Variants in ITPR1 observed in about 807,000 individuals in gnomAD.
ITPR1 encodes inositol 1,4,5-trisphosphate receptor type 1, also known as inositol 1,4,5-trisphosphate-gated calcium channel ITPR1.
A neutral mutation model predicts 318.4 loss-of-function variants in ITPR1; 96 were observed. The ratio of observed to expected loss-of-function variants is 0.30; its 90% CI spans 0.26 to 0.36. The LOEUF (loss-of-function observed/expected upper bound fraction) is 0.36, where lower values mean the gene tolerates loss of function less well. Ranked by LOEUF, ITPR1 falls within the 10% of genes least tolerant of loss-of-function variation. The pLI, the probability that ITPR1 is intolerant of heterozygous loss-of-function variation, is 1.00. For synonymous variants in ITPR1, 1,312 were observed against 1,289.9 expected, an observed-to-expected ratio of 1.02 and a Z score of -0.37; for missense variants, 2,440 against 3,460.2, an observed-to-expected ratio of 0.71 and a Z score of 7.40.
chr3:4,732,606 C>T (rs973394790), intron 42 of ITPR1, among the ~76,000 whole-genome samples: 9 of 152,126 alleles, frequency 5.9e-5, no homozygotes, highest in African/African-American at 2.2e-4. Context: ...GGCCCATCGA[C>T]TATTTTTGTA....
chr3:4,756,936 G>A (rs2045042868), intron 44 of ITPR1, among the ~76,000 whole-genome samples: 1 of 152,244 alleles, frequency 6.6e-6, no homozygotes, highest in Admixed American at 6.5e-5. Context: ...GTTCTTGGTA[G>A]TAATCAAAGT....
intron 5 of ITPR1, among the ~76,000 whole-genome samples, chr3:4,629,489 C>G (rs930796161): frequency 6.6e-6 from 1 of 152,196 alleles, no homozygotes; most frequent in Admixed American, 6.5e-5. Context: ...TTAATTATCA[C>G]CTGTCGCTTA....
At chr3:4,567,643 C>T (rs540409000) in intron 4 of ITPR1, among the ~76,000 whole-genome samples, 6 of 151,922 alleles carry the variant, frequency 3.9e-5, no homozygotes, top group South Asian at 2.1e-4. Flanking sequence ...TCTTACTCTG[C>T]CACCCAGGCT....
In ITPR1 at chr3:4,727,072, A is replaced by G. The variant is rs373579234; in HGVS notation, c.5173-54A>G. 11,263 of 1,341,456 alleles carry G rather than the reference A, an allele frequency of 8.4e-3. 71 individuals carry two copies. The highest frequency in any genetic ancestry group is 9.4e-3 in the Non-Finnish European group (8,884 of 945,080). 83.1% of individuals were successfully genotyped at this position (1,341,456 alleles called of 1,614,324 possible). A position where few individuals can be genotyped will look rare whatever the true frequency, so the allele number is the denominator to read the frequency against. ...ATTTTATATGTGACTGATGCTGCAG[A>G]TGGTAGTGTCTCCTTAGTGTTGTAT... On this transcript the variant is annotated intron_variant, in intron 41 of 61. Coordinates refer to ENST00000649015, the MANE Select transcript of ITPR1 (RefSeq NM_001378452.1).
At chr3:4,695,861 G>GCATA (rs1232007923) in intron 33 of ITPR1, among the ~76,000 whole-genome samples, 1 of 152,128 alleles carries the variant, frequency 6.6e-6, no homozygotes, top group Admixed American at 6.5e-5. Context: ...TTAGGATTGT[G>GCATA]CATACATCCT....
At chr3:4,736,873 CA>C (rs903356489) in intron 44 of ITPR1, among the ~76,000 whole-genome samples, 1 of 152,160 alleles carries the variant, frequency 6.6e-6, no homozygotes, top group African/African-American at 2.4e-5. Context: ...GCTGCTATAC[CA>C]GGGGCGATGA....
chr3:4,535,466 G>A (rs1237297004), intron 4 of ITPR1, among the ~76,000 whole-genome samples: 22 of 103,494 alleles, frequency 2.1e-4, no homozygotes, highest in East Asian at 1.5e-3. Flanking sequence ...TTTTTGAGAC[G>A]GAGTCTTGCT....
At chr3:4,804,271 G>A (rs1029995116) in intron 54 of ITPR1, among the ~76,000 whole-genome samples, 2 of 152,222 alleles carry the variant, frequency 1.3e-5, no homozygotes, top group African/African-American at 4.8e-5. Context: ...AGTTCTGAGA[G>A]CTGGAGGAGG....
At chr3:4,674,988 TA>T in intron 22 of ITPR1, 79 bp from the exon 23 acceptor site, 1 of 755,116 alleles carries the variant, frequency 1.3e-6, no homozygotes, top group Non-Finnish European at 2.2e-6. Flanking sequence ...CTGTCATTTC[TA>T]AACTGGTCAA....
intron 52 of ITPR1, among the ~76,000 whole-genome samples, chr3:4,794,593 G>T (rs1386311528): frequency 6.6e-6 from 1 of 152,136 alleles, no homozygotes; most frequent in African/African-American, 2.4e-5. Context: ...CCTAGTCTGG[G>T]GCCCAGCGGG....
At chr3:4,788,233 C>CA in intron 52 of ITPR1, 94 bp downstream of exon 52, 1 of 970,698 alleles carries the variant, frequency 1.0e-6, no homozygotes, top group Non-Finnish European at 1.6e-6. Context: ...CAAGCAGGAG[C>CA]AAAGCTAGTA....
At chr3:4,645,857 C>G in intron 10 of ITPR1, 129 bp downstream of exon 10, 1 of 754,924 alleles carries the variant, frequency 1.3e-6, no homozygotes, top group Non-Finnish European at 2.2e-6. Flanking sequence ...CCCACATACA[C>G]ACACCTACAC....
intron 4 of ITPR1, among the ~76,000 whole-genome samples, chr3:4,523,708 A>G (rs1242194172): frequency 1.3e-5 from 2 of 152,214 alleles, no homozygotes; most frequent in East Asian, 1.9e-4. Context: ...TTCACTTAGC[A>G]TAATGTCCTC....
At position 4,696,674 on chromosome 3, in the gene ITPR1, T is replaced by TTG. The variant is rs1491305525; in HGVS notation, c.4282-472_4282-471insGT. Reference sequence around the variant, plus strand: ...TTGAAGTTGAGCCCCTTGCCGTGTGTTTTTTTTTTTTTTTTTTTGACATTT... The same window carrying TTG: ...TTGAAGTTGAGCCCCTTGCCGTGTGTTGTTTTTTTTTTTTTTTTTTGACATTT... On this transcript the variant is annotated intron_variant, in intron 33 of 61. Transcript: ENST00000649015. Among the ~76,000 whole-genome samples the TTG allele has an allele frequency of 5.1e-4, 7 of 13,850 alleles. No individual in the cohort carries two copies. In the South Asian group the frequency reaches 9.5e-3, roughly 19 times the overall value. The allele number at this position is 13,850 out of a possible 152,430, so 9.1% of individuals were successfully genotyped here.
intron 46 of ITPR1, among the ~76,000 whole-genome samples, chr3:4,771,686 T>C (rs1473467610): frequency 2.0e-5 from 3 of 152,198 alleles, no homozygotes; most frequent in Admixed American, 2.0e-4. Flanking sequence ...TGCATTGCTC[T>C]GTTGGAAACA....
At chr3:4,656,883 G>A (rs923055613) in intron 12 of ITPR1, among the ~76,000 whole-genome samples, 12 of 152,330 alleles carry the variant, frequency 7.9e-5, no homozygotes, top group South Asian at 2.1e-4. Context: ...AAAATCACGC[G>A]ATGTAGAGTT....
intron 4 of ITPR1, among the ~76,000 whole-genome samples, chr3:4,591,667 T>A (rs1216131187): frequency 6.6e-6 from 1 of 152,236 alleles, no homozygotes; most frequent in Non-Finnish European, 1.5e-5. Context: ...TTGGTTTTGC[T>A]TTTTTGATAG....
At chr3:4,528,911 A>G (rs780006930) in intron 4 of ITPR1, among the ~76,000 whole-genome samples, 4 of 152,246 alleles carry the variant, frequency 2.6e-5, no homozygotes, top group Admixed American at 6.5e-5. Flanking sequence ...AACAGACTCC[A>G]TTTAAAGGGA....
intron 46 of ITPR1, among the ~76,000 whole-genome samples, chr3:4,771,895 G>A (rs1055376853): frequency 1.3e-5 from 2 of 152,054 alleles, no homozygotes; most frequent in African/African-American, 2.4e-5. Context: ...TGCTCTGTTC[G>A]GAGTGGAAAC....
Sources: gnomAD v4.1 joint callset for allele counts (sites outside exome capture counted in the v4.1 genomes callset) on GRCh38, gnomAD v4.1.1 for gene constraint, MANE v1.5 for transcripts, NCBI Gene and HGNC (gene_info 2026-07-23, HGNC 2026-07-21) for gene names.